Variants in IL1RAPL1 observed in about 807,000 individuals in gnomAD.
IL1RAPL1 encodes the protein interleukin 1 receptor accessory protein like 1.
Under a neutral mutation model 48.4 loss-of-function variants are expected in IL1RAPL1, and 3 were observed. The observed-to-expected ratio is 0.06, with a 90% CI of 0.03 to 0.16. The LOEUF (loss-of-function observed/expected upper bound fraction) is 0.16. Among genes scored for constraint, IL1RAPL1 ranks in the 10% least tolerant of loss-of-function variants. The pLI is 1.00. For missense variants in IL1RAPL1, 349 were observed against 530.6 expected, an observed-to-expected ratio of 0.66 and a Z score of 3.36; for synonymous variants, 185 against 187.7, an observed-to-expected ratio of 0.99 and a Z score of 0.12.
chrX:29,950,223 T>G (rs1187052061), intron 9 of IL1RAPL1, among the ~76,000 whole-genome samples: 5 of 112,514 alleles, frequency 4.4e-5, no homozygotes, highest in African/African-American at 6.5e-5. Flanking sequence ...CACCAATTCC[T>G]AAATTTCATT....
At position 29,381,328 on chromosome X, in the gene IL1RAPL1, T is replaced by C. The variant is rs890068416; in HGVS notation, c.363-14930T>C. ...TTCATGGAGATTTTTATATGATAAA[T>C]GAAAAAGTAACATACGCAAAAGCCT... On this transcript the variant is annotated intron_variant, in intron 3 of 10. Coordinates refer to ENST00000378993, the MANE Select transcript of IL1RAPL1 (RefSeq NM_014271.4). Among the ~76,000 whole-genome samples, 4 of 105,259 alleles carry C rather than the reference T, an allele frequency of 3.8e-5. 1 individual carries two copies. In the South Asian group the frequency reaches 1.8e-3, roughly 46 times the overall value. 91.4% of individuals were successfully genotyped at this position (105,259 alleles called of 115,157 possible).
intron 5 of IL1RAPL1, among the ~76,000 whole-genome samples, chrX:29,463,439 G>A (rs1187366527): frequency 8.9e-6 from 1 of 112,073 alleles, no homozygotes; most frequent in African/African-American, 3.2e-5. Context: ...AACCCAATTA[G>A]GCATGGCCTA....
chrX:29,537,243 C>T (rs374951020), intron 5 of IL1RAPL1, among the ~76,000 whole-genome samples: 17 of 110,430 alleles, frequency 1.5e-4, no homozygotes, highest in African/African-American at 5.3e-4. Flanking sequence ...TTTCATGGCA[C>T]CCTTTCTTAG....
rs752946854 is a variant in IL1RAPL1 at position 28,950,532 on chromosome X, G to A, written c.82+161107G>A. ...TTGAATCTGTAAATTACCTTGGGCA[G>A]TATGGCCATTTTCACGATATTGATT... On this transcript the variant is annotated intron_variant, in intron 2 of 10. Transcript: ENST00000378993. Among the ~76,000 whole-genome samples, 251 of 90,976 alleles carry A rather than the reference G, an allele frequency of 2.8e-3. 4 individuals carry two copies. The highest frequency in any genetic ancestry group is 9.4e-3 in the African/African-American group (229 of 24,388). The allele number at this position is 90,976 out of a possible 115,157, so 79.0% of individuals were successfully genotyped here. A position where few individuals can be genotyped will look rare whatever the true frequency, so the allele number is the denominator to read the frequency against.
chrX:29,318,652 C>T (rs774750399), intron 3 of IL1RAPL1, among the ~76,000 whole-genome samples: 2 of 112,554 alleles, frequency 1.8e-5, no homozygotes, highest in Non-Finnish European at 3.8e-5. Flanking sequence ...AAAGAATAAC[C>T]TCATGTAAAT....
At chrX:29,807,838 C>T (rs779313627) in intron 6 of IL1RAPL1, among the ~76,000 whole-genome samples, 1 of 110,312 alleles carries the variant, frequency 9.1e-6, no homozygotes, top group East Asian at 2.8e-4. Flanking sequence ...AGTAGCAAAG[C>T]GCATGATTAT....
chrX:29,371,288 T>C (rs1014191572), intron 3 of IL1RAPL1, among the ~76,000 whole-genome samples: 23 of 109,190 alleles, frequency 2.1e-4, no homozygotes, highest in Admixed American at 2.1e-3. Flanking sequence ...CCTGACACTA[T>C]GCCCGGCTAA....
chrX:29,097,781 A>G (rs1468769145), intron 2 of IL1RAPL1, among the ~76,000 whole-genome samples: 1 of 112,085 alleles, frequency 8.9e-6, no homozygotes, highest in Non-Finnish European at 1.9e-5. Flanking sequence ...CTTATGTGCA[A>G]TTGTCTTTGG....
chrX:28,625,582 A>G (rs1934331461), intron 1 of IL1RAPL1, among the ~76,000 whole-genome samples: 1 of 111,814 alleles, frequency 8.9e-6, no homozygotes. Flanking sequence ...GTGGGCAGAG[A>G]GCCAGGTGTG....
intron 5 of IL1RAPL1, among the ~76,000 whole-genome samples, chrX:29,521,143 T>C (rs1050869850): frequency 1.8e-5 from 2 of 112,702 alleles, no homozygotes; most frequent in Non-Finnish European, 3.8e-5. Context: ...TTTGAAAATA[T>C]TTGTCGTATT....
chrX:29,803,010 C>CATATATACAT (rs201315872), intron 6 of IL1RAPL1, among the ~76,000 whole-genome samples: 1 of 63,277 alleles, frequency 1.6e-5, no homozygotes, highest in African/African-American at 7.3e-5. Context: ...TGCATATATA[C>CATATATACAT]ATATGTGTAC....
chrX:29,511,698 C>T (rs1192665331), intron 5 of IL1RAPL1, among the ~76,000 whole-genome samples: 1 of 111,387 alleles, frequency 9.0e-6, no homozygotes, highest in Admixed American at 9.6e-5. Context: ...CTCTATTCTT[C>T]CTTATTCAGT....
chrX:29,075,789 T>C (rs750854966), intron 2 of IL1RAPL1, among the ~76,000 whole-genome samples: 2 of 111,386 alleles, frequency 1.8e-5, no homozygotes, highest in Non-Finnish European at 3.8e-5. Context: ...AAAATAAATA[T>C]GCTTATCTTT....
chrX:29,678,582 A>ATGGTCTCG (rs1926357339), intron 6 of IL1RAPL1, among the ~76,000 whole-genome samples: 1 of 106,813 alleles, frequency 9.4e-6, no homozygotes. Flanking sequence ...GTTAGCCAGG[A>ATGGTCTCG]TGGTCTCGAT....
At chrX:29,686,012 AAAG>A (rs1291187889) in intron 6 of IL1RAPL1, among the ~76,000 whole-genome samples, 1 of 111,227 alleles carries the variant, frequency 9.0e-6, no homozygotes, top group Non-Finnish European at 1.9e-5. Context: ...AAAGAAAAGA[AAAG>A]AAGTATAGTC....
chrX:29,168,362 A>C (rs1291599557), intron 2 of IL1RAPL1, among the ~76,000 whole-genome samples: 1 of 106,147 alleles, frequency 9.4e-6, no homozygotes, highest in Non-Finnish European at 1.9e-5. Flanking sequence ...ACCCTCACCA[A>C]TGTTTGCTAA....
At chrX:28,996,262 G>T (rs1169973939) in intron 2 of IL1RAPL1, among the ~76,000 whole-genome samples, 1 of 111,270 alleles carries the variant, frequency 9.0e-6, no homozygotes, top group Non-Finnish European at 1.9e-5. Context: ...TGTTTTTAAG[G>T]TTCACCCATG....
At chrX:29,623,176 G>A (rs1389402979) in intron 5 of IL1RAPL1, among the ~76,000 whole-genome samples, 1 of 108,253 alleles carries the variant, frequency 9.2e-6, no homozygotes, top group Admixed American at 9.9e-5. Context: ...CAGCTACTCG[G>A]GAGGCTGAGG....
At chrX:29,468,743 T>C (rs1020997944) in intron 5 of IL1RAPL1, among the ~76,000 whole-genome samples, 1 of 112,095 alleles carries the variant, frequency 8.9e-6, no homozygotes, top group African/African-American at 3.2e-5. Context: ...TTGATTAAGA[T>C]GGGCACATTT....
Sources: gnomAD v4.1 joint callset for allele counts (sites outside exome capture counted in the v4.1 genomes callset) on GRCh38, gnomAD v4.1.1 for gene constraint, MANE v1.5 for transcripts, NCBI Gene and HGNC (gene_info 2026-07-23, HGNC 2026-07-21) for gene names.